Variants in KCNMA1 observed in about 807,000 individuals in gnomAD.
KCNMA1 encodes Calcium-activated potassium channel subunit alpha-1.
KCNMA1 carries 29 observed loss-of-function variants against 140.0 expected under a neutral mutation model. That is an observed-to-expected ratio of 0.21 (90% CI 0.15 to 0.28). The LOEUF is 0.28. KCNMA1 is among the 10% of genes least tolerant of loss of function. KCNMA1 has a pLI of 1.00. For missense variants in KCNMA1, 880 were observed against 1,602.2 expected, an observed-to-expected ratio of 0.55 and a Z score of 7.70; for synonymous variants, 612 against 611.9, an observed-to-expected ratio of 1.00 and a Z score of 0.00.
chr10:77,634,723 T>A, intron 1 of KCNMA1: 1 of 876,174 alleles, frequency 1.1e-6, no homozygotes, highest in Non-Finnish European at 1.4e-6. Flanking sequence ...TACATGCCTG[T>A]GTATCGAGTC....
chr10:77,179,316 G>C (rs1257241545), intron 5 of KCNMA1, among the ~76,000 whole-genome samples: 2 of 152,064 alleles, frequency 1.3e-5, no homozygotes, highest in African/African-American at 4.8e-5. Context: ...CAATATCCGG[G>C]GTGTTCTTAA....
intron 2 of KCNMA1, among the ~76,000 whole-genome samples, chr10:77,271,232 ACAC>A (rs2065039458): frequency 6.6e-6 from 1 of 152,246 alleles, no homozygotes; most frequent in South Asian, 2.1e-4. Flanking sequence ...TGCACTGGCT[ACAC>A]TGAAGTGCCC....
At chr10:77,494,507 G>A (rs530035105) in intron 1 of KCNMA1, among the ~76,000 whole-genome samples, 2 of 152,358 alleles carry the variant, frequency 1.3e-5, no homozygotes, top group African/African-American at 4.8e-5. Flanking sequence ...GTCAATGTCA[G>A]TGAATTGGCA....
At chr10:77,495,274 A>G (rs1375679623) in intron 1 of KCNMA1, among the ~76,000 whole-genome samples, 2 of 152,194 alleles carry the variant, frequency 1.3e-5, no homozygotes, top group East Asian at 3.9e-4. Context: ...ACGTTACCCC[A>G]GCCCAGGCCT....
chr10:77,376,943 A>AC (rs1394375006), intron 2 of KCNMA1, among the ~76,000 whole-genome samples: 12 of 146,896 alleles, frequency 8.2e-5, no homozygotes, highest in African/African-American at 3.1e-4. Context: ...CTCTCAAAAT[A>AC]AATAAATACA....
intron 3 of KCNMA1, among the ~76,000 whole-genome samples, chr10:77,205,648 A>G (rs1345313620): frequency 2.0e-5 from 3 of 152,204 alleles, no homozygotes; most frequent in Admixed American, 6.5e-5. Flanking sequence ...TCCATGCTGC[A>G]TATATGATGA....
At chr10:77,598,512 C>A (rs922278757) in intron 1 of KCNMA1, among the ~76,000 whole-genome samples, 64 of 152,290 alleles carry the variant, frequency 4.2e-4, no homozygotes, top group African/African-American at 1.4e-3. Context: ...GCATGGCATC[C>A]GAGAGCCATC....
intron 23 of KCNMA1, among the ~76,000 whole-genome samples, chr10:76,924,905 G>T (rs1034595888): frequency 1.3e-5 from 2 of 152,120 alleles, no homozygotes; most frequent in African/African-American, 4.8e-5. Flanking sequence ...AGTCAGAGCT[G>T]GTTTCCAACA....
intron 14 of KCNMA1, among the ~76,000 whole-genome samples, chr10:77,060,123 T>C (rs1391217818): frequency 1.3e-5 from 2 of 152,148 alleles, no homozygotes; most frequent in Non-Finnish European, 2.9e-5. Context: ...ATAGTAAAGA[T>C]GTCAGTGCTC....
intron 1 of KCNMA1, among the ~76,000 whole-genome samples, chr10:77,447,328 C>T (rs1273900426): frequency 6.6e-6 from 1 of 152,224 alleles, no homozygotes; most frequent in Admixed American, 6.5e-5. Context: ...TCTCCCTTCT[C>T]AGAGGTGGAT....
intron 17 of KCNMA1, among the ~76,000 whole-genome samples, chr10:77,018,217 A>G (rs1189589621): frequency 1.3e-5 from 2 of 152,206 alleles, no homozygotes; most frequent in African/African-American, 4.8e-5. Flanking sequence ...CAATGAAGAC[A>G]ATAGGCTTAT....
At chr10:77,094,543 A>T (rs938945233) in intron 9 of KCNMA1, among the ~76,000 whole-genome samples, 1 of 152,156 alleles carries the variant, frequency 6.6e-6, no homozygotes, top group African/African-American at 2.4e-5. Context: ...GTCTGGCTGG[A>T]TAGGCAGTAT....
chr10:77,003,385 C>G (rs1325567524), intron 18 of KCNMA1, among the ~76,000 whole-genome samples: 1 of 152,122 alleles, frequency 6.6e-6, no homozygotes, highest in African/African-American at 2.4e-5. Context: ...TGTGAATGCC[C>G]AGACATCCCA....
intron 19 of KCNMA1, among the ~76,000 whole-genome samples, chr10:76,994,998 G>A (rs1052162263): frequency 9.2e-5 from 14 of 152,142 alleles, no homozygotes. Flanking sequence ...TGCCCCACAA[G>A]CCTCTCTCGA....
chr10:77,086,307 G>A (rs2096688741), intron 11 of KCNMA1, among the ~76,000 whole-genome samples, 181 bp downstream of exon 11: 3 of 152,154 alleles, frequency 2.0e-5, no homozygotes, highest in African/African-American at 7.2e-5. Context: ...CCAGCAGAAG[G>A]AGGTCCTGGG....
intron 2 of KCNMA1, among the ~76,000 whole-genome samples, chr10:77,336,179 G>C (rs1185189049): frequency 6.6e-6 from 1 of 152,146 alleles, no homozygotes; most frequent in African/African-American, 2.4e-5. Flanking sequence ...ACACATGCAG[G>C]GGAGGGTGCT....
intron 9 of KCNMA1, among the ~76,000 whole-genome samples, chr10:77,099,203 A>G (rs901178997): frequency 1.3e-5 from 2 of 151,950 alleles, no homozygotes; most frequent in African/African-American, 4.8e-5. Context: ...TGCCCAGGAG[A>G]GGGTTTTGAT....
At chr10:77,420,342 A>G (rs1297450648) in intron 1 of KCNMA1, among the ~76,000 whole-genome samples, 1 of 152,234 alleles carries the variant, frequency 6.6e-6, no homozygotes, top group Non-Finnish European at 1.5e-5. Flanking sequence ...CATTGTGCTC[A>G]TGTTGGATTA....
At chr10:77,226,363 T>A (rs1257703009) in intron 3 of KCNMA1, among the ~76,000 whole-genome samples, 1 of 152,080 alleles carries the variant, frequency 6.6e-6, no homozygotes, top group Non-Finnish European at 1.5e-5. Flanking sequence ...CCTCACTTGT[T>A]GATTTTTAGC....
Sources: allele counts gnomAD v4.1 joint callset (sites outside exome capture counted in the v4.1 genomes callset), GRCh38; gene constraint gnomAD v4.1.1; transcripts MANE v1.5; gene names NCBI Gene and HGNC (gene_info 2026-07-23, HGNC 2026-07-21).